Variants in DPP10 observed in about 807,000 individuals in gnomAD.
DPP10 encodes the protein dipeptidyl peptidase like 10.
Under a neutral mutation model 120.9 loss-of-function variants are expected in DPP10, and 33 were observed. The ratio of observed to expected loss-of-function variants is 0.27; its 90% CI spans 0.21 to 0.37. The LOEUF (loss-of-function observed/expected upper bound fraction) is 0.37. Ranked by LOEUF, DPP10 falls within the 10% of genes least tolerant of loss-of-function variation. The probability of loss-of-function intolerance (pLI) is 1.00; values close to 1 mark genes in which losing one functional copy is unlikely to be tolerated. For missense variants in DPP10, 816 were observed against 942.8 expected (o/e 0.87, Z 1.76); for synonymous variants, 337 against 326.1 (o/e 1.03, Z -0.36).
intron 1 of DPP10, among the ~76,000 whole-genome samples, chr2:114,589,043 G>C (rs973041862): frequency 6.6e-6 from 1 of 150,822 alleles, no homozygotes; most frequent in African/African-American, 2.4e-5. Flanking sequence ...TTTTTGGGGG[G>C]GGGGGTAGGG....
intron 1 of DPP10, among the ~76,000 whole-genome samples, chr2:114,815,631 A>G (rs1210122771): frequency 6.6e-6 from 1 of 152,218 alleles, no homozygotes; most frequent in Non-Finnish European, 1.5e-5. Flanking sequence ...ACCTTCTAAC[A>G]GTGGAATTTC....
At chr2:114,589,883 A>G (rs1355602409) in intron 1 of DPP10, among the ~76,000 whole-genome samples, 3 of 152,054 alleles carry the variant, frequency 2.0e-5, no homozygotes, top group Non-Finnish European at 4.4e-5. Flanking sequence ...AGTTGGAAAT[A>G]CAGTCTTTGT....
chr2:115,069,732 C>T (rs1487081126), intron 1 of DPP10, among the ~76,000 whole-genome samples: 3 of 151,640 alleles, frequency 2.0e-5, no homozygotes, highest in South Asian at 2.1e-4. Context: ...TTCCTCGAAT[C>T]GCGTGCTGAT....
Position 115,792,563 on chromosome 2 carries a change from A to G in DPP10, c.1700+1207A>G, listed in dbSNP as rs1335288085. Among the ~76,000 whole-genome samples the G allele has an allele frequency of 3.9e-5, 6 of 152,060 alleles. No individual in the cohort carries two copies. In the East Asian group the frequency reaches 1.2e-3, roughly 29 times the overall value. The stretch of plus-strand genomic sequence containing the variant: ...TCTCCCTTGTCCCTAAAAGCCAGAA[A>G]GCTCTGAAAGTTCTTAATGTCTCCT... On this transcript the variant is annotated intron_variant, in intron 19 of 25. Coordinates refer to ENST00000410059, the MANE Select transcript of DPP10 (RefSeq NM_020868.6).
At chr2:115,190,878 C>T (rs2054830875) in intron 1 of DPP10, among the ~76,000 whole-genome samples, 1 of 152,208 alleles carries the variant, frequency 6.6e-6, no homozygotes, top group Non-Finnish European at 1.5e-5. Context: ...TCCTGATATC[C>T]TGTTTCAATT....
At chr2:115,827,165 C>T (rs1287871052) in intron 21 of DPP10, among the ~76,000 whole-genome samples, 2 of 151,194 alleles carry the variant, frequency 1.3e-5, no homozygotes, top group Non-Finnish European at 2.9e-5. Context: ...TTGATGGTTC[C>T]TTTATGGCTT....
chr2:115,431,771 A>G (rs994969675), intron 3 of DPP10, among the ~76,000 whole-genome samples: 7 of 152,034 alleles, frequency 4.6e-5, no homozygotes, highest in African/African-American at 1.7e-4. Context: ...TCTTGGCCCA[A>G]TATTGTCCCT....
At chr2:115,688,264 G>C (rs2091118262) in intron 5 of DPP10, among the ~76,000 whole-genome samples, 1 of 152,140 alleles carries the variant, frequency 6.6e-6, no homozygotes, top group African/African-American at 2.4e-5. Flanking sequence ...GGAGCATAAA[G>C]CTTCATTGTA....
chr2:115,790,972 A>G, intron 17 of DPP10, 109 bp from the exon 18 acceptor site: 1 of 672,854 alleles, frequency 1.5e-6, no homozygotes, highest in Non-Finnish European at 2.5e-6. Context: ...TGAGTTAATC[A>G]GCACAGTGCC....
intron 1 of DPP10, among the ~76,000 whole-genome samples, chr2:114,484,861 G>GT (rs1475513322): frequency 3.3e-5 from 5 of 151,684 alleles, no homozygotes; most frequent in Non-Finnish European, 5.9e-5. Flanking sequence ...AGGTATAGAG[G>GT]TTTTTGCAGC....
intron 1 of DPP10, among the ~76,000 whole-genome samples, chr2:114,846,497 C>G (rs945247294): frequency 1.3e-5 from 2 of 152,096 alleles, no homozygotes; most frequent in African/African-American, 4.8e-5. Context: ...TCCATCTCTT[C>G]CTTCTCTTCC....
At chr2:115,035,896 A>G (rs1366126535) in intron 1 of DPP10, among the ~76,000 whole-genome samples, 4 of 152,226 alleles carry the variant, frequency 2.6e-5, no homozygotes, top group Non-Finnish European at 5.9e-5. Context: ...TTTGTGTGCA[A>G]TGCTCCCTAT....
intron 1 of DPP10, among the ~76,000 whole-genome samples, chr2:114,455,469 TG>T (rs1678520296): frequency 6.7e-6 from 1 of 150,298 alleles, no homozygotes; most frequent in Non-Finnish European, 1.5e-5. Flanking sequence ...CGCCTGAACC[TG>T]GGATGCGGAG....
At chr2:115,267,971 A>C (rs1007521393) in intron 1 of DPP10, among the ~76,000 whole-genome samples, 2 of 152,212 alleles carry the variant, frequency 1.3e-5, no homozygotes, top group African/African-American at 4.8e-5. Context: ...AGAGATTTGC[A>C]TAGAGCAGAC....
At chr2:114,486,815 T>C (rs942289526) in intron 1 of DPP10, among the ~76,000 whole-genome samples, 1 of 152,208 alleles carries the variant, frequency 6.6e-6, no homozygotes, top group African/African-American at 2.4e-5. Context: ...TAGTCAGATA[T>C]TGTTCTTCTA....
At chr2:115,411,509 G>A (rs1015502984) in intron 3 of DPP10, among the ~76,000 whole-genome samples, 2 of 152,090 alleles carry the variant, frequency 1.3e-5, no homozygotes, top group Admixed American at 6.6e-5. Flanking sequence ...GAAAGGGGGA[G>A]GGAAAATTGG....
chr2:115,510,626 C>T (rs961343032), intron 4 of DPP10, among the ~76,000 whole-genome samples: 6 of 152,026 alleles, frequency 3.9e-5, no homozygotes, highest in African/African-American at 1.2e-4. Flanking sequence ...TTCTGTGTCC[C>T]TTACATTTCC....
At chr2:115,134,713 G>T (rs766491663) in intron 1 of DPP10, among the ~76,000 whole-genome samples, 1 of 151,940 alleles carries the variant, frequency 6.6e-6, no homozygotes, top group Non-Finnish European at 1.5e-5. Context: ...ATATCAACAG[G>T]GTCAGGGGTA....
At chr2:114,996,862 C>G (rs1034662560) in intron 1 of DPP10, among the ~76,000 whole-genome samples, 6 of 151,484 alleles carry the variant, frequency 4.0e-5, no homozygotes, top group Non-Finnish European at 5.9e-5. Flanking sequence ...CACAGCTGTA[C>G]TCCCAGCTAC....
Sources: allele counts gnomAD v4.1 joint callset (sites outside exome capture counted in the v4.1 genomes callset), GRCh38; gene constraint gnomAD v4.1.1; transcripts MANE v1.5; gene names NCBI Gene and HGNC (gene_info 2026-07-23, HGNC 2026-07-21).